The following GREB1 variants were observed in gnomAD, a reference collection of about 807,000 sequenced individuals.
GREB1 encodes the protein protein GREB1.
In GREB1, 106 loss-of-function variants were observed where a neutral mutation model predicts 200.7. The observed-to-expected ratio is 0.53, with a 90% CI of 0.45 to 0.62. GREB1 has a LOEUF of 0.62. Ranked by LOEUF, GREB1 falls within the 20% of genes least tolerant of loss-of-function variation. The pLI is 0.00. For synonymous variants in GREB1, 1,132 were observed against 1,092.4 expected (o/e 1.04, Z -0.72); for missense variants, 2,243 against 2,556.8 (o/e 0.88, Z 2.65).
rs989903078 is a variant in GREB1, at chr2:11,493,150, G to A, written c.-159+10769G>A. ...GTTAAACAATAAGCCTCCACTTCAT[G>A]TTGTCCATAGGCTTGTGGAAACTGC... is the stretch of plus-strand genomic sequence containing the variant. On this transcript the variant is annotated intron_variant, in intron 1 of 2. Transcript: ENST00000628795. This position sits in a 1 kb window ranked among gnomAD's most constrained non-coding sequence, Gnocchi z 4.6. 2.0e-5 allele frequency among the ~76,000 whole-genome samples: 3 copies of A among 152,190 alleles called. No individual in the cohort carries two copies. Among genetic ancestry groups the A allele is most frequent in the Non-Finnish European group, 4.4e-5 (3 of 68,028 alleles).
Position 11,641,496 on chromosome 2 carries a change from T to TTGTTTTGTTTTGTTA in GREB1, c.*1048_*1049insGTTTTGTTATGTTTT. The TTGTTTTGTTTTGTTA allele has an allele frequency of 6.6e-6, 1 of 152,564 alleles. No individual in the cohort carries two copies. Among genetic ancestry groups the TTGTTTTGTTTTGTTA allele is most frequent in the African/African-American group, 2.4e-5 (1 of 41,490 alleles). The allele number at this position is 152,564 out of a possible 1,614,324, so 9.5% of individuals were successfully genotyped here. ...TTGTTTTGTTTTGTTTTGTTTTGTT[T>TTGTTTTGTTTTGTTA]TGTTTTTGAGATGGACTCTAGCTCT... On this transcript the variant is annotated 3_prime_UTR_variant, in exon 33 of 33. Transcript: ENST00000381486.
chr2:11,497,460 A>C (rs574569435), intron 1 of GREB1, among the ~76,000 whole-genome samples: 1 of 152,324 alleles, frequency 6.6e-6, no homozygotes, highest in Admixed American at 6.5e-5. Flanking sequence ...GTGTAAACAT[A>C]TGTTGTAATT....
intron 32 of GREB1, 75 bp downstream of exon 32, chr2:11,638,884 T>G: frequency 1.4e-6 from 2 of 1,462,864 alleles, no homozygotes; most frequent in Non-Finnish European, 9.4e-7. Context: ...GAGGGGACCT[T>G]TGGTCCTAGT....
chr2:11,489,474 A>T (rs1024708747), intron 1 of GREB1, among the ~76,000 whole-genome samples: 14 of 152,192 alleles, frequency 9.2e-5, no homozygotes, highest in African/African-American at 3.1e-4. Context: ...AAAAAAAAAT[A>T]AATAAAGAAT....
At chr2:11,581,217 TTAG>T in intron 7 of GREB1, 5 of 566,860 alleles carry the variant, frequency 8.8e-6, no homozygotes, top group Non-Finnish European at 1.2e-5. Flanking sequence ...CTGTCTCTTG[TTAG>T]TCAGGGGACC....
intron 1 of GREB1, among the ~76,000 whole-genome samples, chr2:11,516,622 A>G (rs932795339): frequency 1.3e-5 from 2 of 151,936 alleles, no homozygotes; most frequent in Non-Finnish European, 2.9e-5. Context: ...CCAGAATCTC[A>G]CCTTTCTTAC....
At chr2:11,592,653 C>G (rs1680849979) in intron 10 of GREB1, 123 bp from the exon 11 acceptor site, 1 of 609,784 alleles carries the variant, frequency 1.6e-6, no homozygotes, top group Non-Finnish European at 2.6e-6. Flanking sequence ...CCCTCGTGCT[C>G]CAGCCATCTG....
intron 1 of GREB1, among the ~76,000 whole-genome samples, chr2:11,538,916 C>T (rs1299208633): frequency 2.3e-5 from 1 of 44,270 alleles, no homozygotes; most frequent in Non-Finnish European, 4.6e-5. Flanking sequence ...CCTTCCCCCT[C>T]CCCTCCCCTC....
In GREB1 at chr2:11,492,449, G is replaced by A. The variant is rs1379773876; in HGVS notation, c.-159+10068G>A. Among the ~76,000 whole-genome samples, 2 of 152,210 alleles carry A rather than the reference G, an allele frequency of 1.3e-5. No homozygotes were observed. Among genetic ancestry groups the A allele is most frequent in the African/African-American group, 2.4e-5 (1 of 41,454 alleles). On this transcript the variant is annotated intron_variant, in intron 1 of 2. Transcript: ENST00000628795. The surrounding 1 kb of genome is among the most constrained non-coding windows in gnomAD (Gnocchi z 4.0). The stretch of plus-strand genomic sequence containing the variant: ...CCGCAAAAGGAGGACGATAAATTGG[G>A]AGCTCAGCTGTGTTATCACAGTCTG...
chr2:11,539,448 G>C (rs569879163), intron 1 of GREB1, among the ~76,000 whole-genome samples: 1 of 152,144 alleles, frequency 6.6e-6, no homozygotes, highest in Non-Finnish European at 1.5e-5. Flanking sequence ...TGTTTGAAGG[G>C]GCACGTGCTC....
intron 17 of GREB1, among the ~76,000 whole-genome samples, chr2:11,607,424 ATGTATGTGTG>A (rs1355389883): frequency 1.3e-5 from 1 of 77,030 alleles, no homozygotes; most frequent in South Asian, 6.4e-4. Flanking sequence ...CATCCAGTAT[ATGTATGTGTG>A]TGTGTGTGTG....
chr2:11,541,440 AGT>A (rs202173739), intron 1 of GREB1, among the ~76,000 whole-genome samples: 1 of 142,808 alleles, frequency 7.0e-6, no homozygotes, highest in Non-Finnish European at 1.6e-5. Flanking sequence ...GTGGATGGCA[AGT>A]GAGAGGGGGG....
intron 7 of GREB1, among the ~76,000 whole-genome samples, chr2:11,584,539 C>G (rs756781106): frequency 1.3e-4 from 20 of 152,156 alleles, no homozygotes; most frequent in Non-Finnish European, 1.9e-4. Flanking sequence ...TGGAATATGT[C>G]GATAACAATA....
intron 17 of GREB1, among the ~76,000 whole-genome samples, chr2:11,607,428 A>ATGTATG (rs1682410990): frequency 9.5e-6 from 1 of 104,832 alleles, no homozygotes; most frequent in African/African-American, 3.3e-5. Context: ...CAGTATATGT[A>ATGTATG]TGTGTGTGTG....
intron 2 of GREB1, among the ~76,000 whole-genome samples, chr2:11,560,301 A>G (rs1330035056): frequency 6.6e-6 from 1 of 152,198 alleles, no homozygotes; most frequent in Admixed American, 6.5e-5. Flanking sequence ...TTCATCATTA[A>G]CCTAGGTTGC....
intron 2 of GREB1, among the ~76,000 whole-genome samples, chr2:11,559,890 A>G (rs890742417): frequency 6.6e-6 from 1 of 152,180 alleles, no homozygotes; most frequent in Non-Finnish European, 1.5e-5. Context: ...CTCTAAGCCC[A>G]GGAAATCTGA....
At chr2:11,487,259 G>C (rs1672677377) in intron 1 of GREB1, among the ~76,000 whole-genome samples, 1 of 152,106 alleles carries the variant, frequency 6.6e-6, no homozygotes, top group Non-Finnish European at 1.5e-5. Context: ...CTTAGGAAGT[G>C]ACAAAAATAT....
At chr2:11,547,525 A>G (rs1348284076) in intron 1 of GREB1, among the ~76,000 whole-genome samples, 1 of 152,214 alleles carries the variant, frequency 6.6e-6, no homozygotes, top group Non-Finnish European at 1.5e-5. Context: ...GAGATTCCTT[A>G]TAATGCCTGT....
At chr2:11,563,702 C>A (rs1354081353) in intron 3 of GREB1, among the ~76,000 whole-genome samples, 1 of 152,162 alleles carries the variant, frequency 6.6e-6, no homozygotes, top group Non-Finnish European at 1.5e-5. Flanking sequence ...CACTATGGTA[C>A]CCCCTATACA....
Sources: allele counts gnomAD v4.1 joint callset (sites outside exome capture counted in the v4.1 genomes callset), GRCh38; gene constraint gnomAD v4.1.1; non-coding constraint Gnocchi (gnomAD v3.1); transcripts MANE v1.5; gene names NCBI Gene and HGNC (gene_info 2026-07-23, HGNC 2026-07-21).